The following SLC28A1 variants were observed in gnomAD, a reference collection of about 807,000 sequenced individuals.
SLC28A1 encodes the protein solute carrier family 28 member 1, also known as sodium/nucleoside cotransporter 1.
SLC28A1 carries 64 observed loss-of-function variants against 74.8 expected under a neutral mutation model. That is an observed-to-expected ratio of 0.86 (90% CI 0.70 to 1.05). The LOEUF (loss-of-function observed/expected upper bound fraction) is 1.05, where lower values mean the gene tolerates loss of function less well. SLC28A1 is among the 50% of genes least tolerant of loss of function. The pLI is 0.00. For missense variants in SLC28A1, 828 were observed against 822.8 expected (o/e 1.01, Z -0.08); for synonymous variants, 359 against 335.0 (o/e 1.07, Z -0.78).
intron 12 of SLC28A1, among the ~76,000 whole-genome samples, chr15:84,925,989 T>C (rs539493689): frequency 1.9e-4 from 29 of 151,316 alleles, no homozygotes; most frequent in African/African-American, 7.0e-4. Context: ...TAACCTTTTT[T>C]GGTGAAGGCC....
intron 9 of SLC28A1, among the ~76,000 whole-genome samples, chr15:84,910,873 G>A (rs1968100304): frequency 6.6e-6 from 1 of 152,176 alleles, no homozygotes; most frequent in Admixed American, 6.5e-5. Context: ...AGACCGTGAG[G>A]GAGACTCCTT....
intron 3 of SLC28A1, among the ~76,000 whole-genome samples, chr15:84,888,126 G>T (rs1964819664): frequency 6.6e-6 from 1 of 152,180 alleles, no homozygotes. Context: ...GGGCAGGGCA[G>T]GCCCCAGTGA....
chr15:84,909,036 GTT>G (rs11294864), intron 9 of SLC28A1, among the ~76,000 whole-genome samples: 4 of 151,540 alleles, frequency 2.6e-5, no homozygotes, highest in African/African-American at 7.2e-5. Context: ...ATTTCTGTAT[GTT>G]TTTTTTTTTA....
At chr15:84,899,654 T>C (rs542746424) in intron 6 of SLC28A1, among the ~76,000 whole-genome samples, 2 of 152,252 alleles carry the variant, frequency 1.3e-5, no homozygotes, top group South Asian at 2.1e-4. Flanking sequence ...GTGAAATGTA[T>C]TTCAAAAAAG....
At chr15:84,956,730 T>C in the SLC28A1 span, among the ~76,000 whole-genome samples, 1 of 151,382 alleles carries the variant, frequency 6.6e-6, no homozygotes, top group South Asian at 2.1e-4. Flanking sequence ...ATTTCAAACT[T>C]CTGAGCTCAA....
the SLC28A1 span, among the ~76,000 whole-genome samples, chr15:84,962,491 A>G: frequency 0.024 from 3,718 of 152,032 alleles, 169 homozygotes; most frequent in African/African-American, 0.085. Flanking sequence ...AGGCTGGAGT[A>G]TGGTGACATG....
intron 8 of SLC28A1, 95 bp downstream of exon 8, chr15:84,905,747 T>A: frequency 1.1e-6 from 1 of 947,906 alleles, no homozygotes; most frequent in Non-Finnish European, 1.7e-6. Context: ...GGTGAGGCCA[T>A]AGAGAAGGCT....
At chr15:84,958,891 A>G in the SLC28A1 span, among the ~76,000 whole-genome samples, 1 of 151,698 alleles carries the variant, frequency 6.6e-6, no homozygotes, top group Non-Finnish European at 1.5e-5. Flanking sequence ...CTTGAGGCCA[A>G]GAGTTCAAGA....
intron 11 of SLC28A1, among the ~76,000 whole-genome samples, chr15:84,923,008 G>T (rs1454911461): frequency 6.6e-6 from 1 of 152,182 alleles, no homozygotes; most frequent in Non-Finnish European, 1.5e-5. Flanking sequence ...ACAATCTTGG[G>T]CTCACTGCAA....
downstream of SLC28A1, among the ~76,000 whole-genome samples, chr15:84,950,271 A>C (rs1322082112): frequency 2.0e-5 from 3 of 152,104 alleles, no homozygotes; most frequent in South Asian, 4.1e-4. Flanking sequence ...ATAAACTCAA[A>C]ATTTTAAAAT....
intron 6 of SLC28A1, among the ~76,000 whole-genome samples, chr15:84,899,658 A>T (rs1176134306): frequency 6.6e-6 from 1 of 152,240 alleles, no homozygotes; most frequent in Non-Finnish European, 1.5e-5. Flanking sequence ...AATGTATTTC[A>T]AAAAAGAAGA....
At position 84,888,856 on chromosome 15, in the gene SLC28A1, A is replaced by G; in HGVS notation, c.181A>G (p.Arg61Gly). Residue 61 changes from arginine (R) to glycine (G), a missense_variant, in exon 4 of 19, where the codon AGA becomes GGA. Physicochemically the swap from Arg to Gly is moderately radical, Grantham distance 125. Coordinates refer to ENST00000394573, the MANE Select transcript of SLC28A1 (RefSeq NM_004213.5). The part of the protein sequence containing the change: ...WSEAAPKPFS[R>G]WRNLQPALRA... ...CGAGGCGGCGCCGAAGCCCTTCTCC[A>G]GATGGTAGGTGATCTCTGGAGAGAC... 6.4e-7 allele frequency: 1 copy of G among 1,550,504 alleles called. No individual in the cohort carries two copies. The highest frequency in any genetic ancestry group is 8.7e-7 in the Non-Finnish European group (1 of 1,145,768).
rs529811921 is a variant in SLC28A1, at chr15:84,900,697, G to C, written c.462-3400G>C. Among the ~76,000 whole-genome samples the C allele has an allele frequency of 1.4e-3, 207 of 152,186 alleles. 2 individuals are homozygous for C. The highest frequency in any genetic ancestry group is 3.4e-3 in the Middle Eastern group (1 of 294). ...TGTGCACCTGTGATCCCAGTTACTT[G>C]AGAGGCTAAGGTAGGAGGATCACCT... On this transcript the variant is annotated intron_variant, in intron 6 of 18. Transcript: ENST00000394573.
chr15:84,916,699 C>T (rs1372023717), intron 9 of SLC28A1, among the ~76,000 whole-genome samples: 1 of 152,184 alleles, frequency 6.6e-6, no homozygotes, highest in Non-Finnish European at 1.5e-5. Flanking sequence ...CCTGCCTATG[C>T]TCCTTCCCTT....
At chr15:84,959,766 C>T in the SLC28A1 span, among the ~76,000 whole-genome samples, 1 of 152,066 alleles carries the variant, frequency 6.6e-6, no homozygotes, top group Non-Finnish European at 1.5e-5. Flanking sequence ...TTTCTTTGTC[C>T]ATGTGCATTG....
intron 8 of SLC28A1, among the ~76,000 whole-genome samples, chr15:84,907,493 TTTTAGTTTAG>T (rs996876597): frequency 1.4e-4 from 22 of 152,014 alleles, no homozygotes; most frequent in Admixed American, 2.0e-4. Context: ...CTTTTTTTAA[TTTTAGTTTAG>T]TTTAGTTTAG....
chr15:84,889,285 G>A (rs1425031799), intron 4 of SLC28A1, among the ~76,000 whole-genome samples: 1 of 152,212 alleles, frequency 6.6e-6, no homozygotes, highest in East Asian at 1.9e-4. Context: ...GGACCAGCCA[G>A]GATGGCATAG....
At chr15:84,960,228 C>CTTTTTTTTTTTTT in the SLC28A1 span, among the ~76,000 whole-genome samples, 2 of 85,590 alleles carry the variant, frequency 2.3e-5, no homozygotes, top group East Asian at 3.6e-4. Flanking sequence ...TGCCTGCCTG[C>CTTTTTTTTTTTTT]TTTTTTTTTT....
intron 13 of SLC28A1, 31 bp from the exon 14 acceptor site, chr15:84,934,995 C>T: frequency 6.2e-7 from 1 of 1,603,388 alleles, no homozygotes; most frequent in Non-Finnish European, 8.5e-7. Flanking sequence ...GGAGACAGGC[C>T]AGTAATGATC....
Sources: allele counts gnomAD v4.1 joint callset (sites outside exome capture counted in the v4.1 genomes callset), GRCh38; gene constraint gnomAD v4.1.1; transcripts MANE v1.5; gene names NCBI Gene and HGNC (gene_info 2026-07-23, HGNC 2026-07-21).